The following ANTXR2 variants were observed in gnomAD, a reference collection of about 807,000 sequenced individuals.
ANTXR2 encodes the protein anthrax toxin receptor 2.
Under a neutral mutation model 73.7 loss-of-function variants are expected in ANTXR2, and 44 were observed. The observed-to-expected ratio is 0.60, with a 90% confidence interval of 0.47 to 0.77. The LOEUF (loss-of-function observed/expected upper bound fraction) is 0.77. ANTXR2 is among the 30% of genes least tolerant of loss of function. ANTXR2 has a pLI of 0.00. For missense variants in ANTXR2, 604 were observed against 592.5 expected (o/e 1.02, Z -0.20); for synonymous variants, 217 against 205.9 (o/e 1.05, Z -0.46).
In ANTXR2 at chr4:79,902,083, G is replaced by T. The variant is rs149966906; in HGVS notation, c.*5346C>A. ...CTTGCCAATTATTTCTAGTCAAACT[G>T]AAACCTACTTAAATGTACATTTTAA... On this transcript the variant is annotated 3_prime_UTR_variant, in exon 17 of 17. Coordinates refer to ENST00000403729, the MANE Select transcript of ANTXR2 (RefSeq NM_058172.6). The T allele has an allele frequency of 1.6e-4, 25 of 152,182 alleles. 1 individual carries two copies. The highest frequency in any genetic ancestry group is 5.5e-4 in the African/African-American group (23 of 41,540). The allele number at this position is 152,182 out of a possible 1,614,324, so 9.4% of individuals were successfully genotyped here.
intron 11 of ANTXR2, among the ~76,000 whole-genome samples, chr4:80,014,853 C>T (rs964797758): frequency 1.3e-5 from 2 of 152,128 alleles, no homozygotes; most frequent in African/African-American, 2.4e-5. Context: ...TTTACTTTTC[C>T]TTTAGGTAAG....
chr4:79,929,124 T>C (rs777130937), intron 16 of ANTXR2, among the ~76,000 whole-genome samples: 29 of 152,154 alleles, frequency 1.9e-4, no homozygotes, highest in Non-Finnish European at 3.2e-4. Flanking sequence ...CGGGTCTCCC[T>C]GTCTATTGCC....
chr4:79,945,846 C>G (rs1728496305), intron 16 of ANTXR2, among the ~76,000 whole-genome samples: 1 of 151,820 alleles, frequency 6.6e-6, no homozygotes, highest in African/African-American at 2.4e-5. Flanking sequence ...AAATATATGC[C>G]CCAGATATGC....
Position 80,072,741 on chromosome 4 carries a change from A to C in ANTXR2, c.-181T>G. On this transcript the variant is annotated 5_prime_UTR_variant, in exon 1 of 17. Coordinates refer to ENST00000403729, the MANE Select transcript of ANTXR2 (RefSeq NM_058172.6). ...CAGGGAGGGAGAGAGGGAGGTCCTG[A>C]GAGGACAAAGGGAGTCTCCGCCACC... 1.5e-6 allele frequency: 2 copies of C among 1,328,778 alleles called. No individual in the cohort carries two copies. Among genetic ancestry groups the C allele is most frequent in the South Asian group, 4.1e-5 (2 of 48,938 alleles). 82.3% of individuals were successfully genotyped at this position (1,328,778 alleles called of 1,614,324 possible).
At chr4:80,026,792 A>AT (rs1240363535) in intron 10 of ANTXR2, among the ~76,000 whole-genome samples, 5 of 152,042 alleles carry the variant, frequency 3.3e-5, no homozygotes, top group Non-Finnish European at 5.9e-5. Context: ...TCTGAATAGT[A>AT]TTTTTTTCAG....
At chr4:80,000,511 T>G (rs1730978889) in intron 12 of ANTXR2, among the ~76,000 whole-genome samples, 1 of 152,082 alleles carries the variant, frequency 6.6e-6, no homozygotes, top group African/African-American at 2.4e-5. Context: ...TTTACAATGA[T>G]AGGTAGAATA....
intron 16 of ANTXR2, among the ~76,000 whole-genome samples, chr4:79,934,546 A>AC (rs1728185631): frequency 2.0e-5 from 3 of 147,226 alleles, no homozygotes; most frequent in African/African-American, 8.0e-5. Context: ...CAACAACAAA[A>AC]AAAAAAAAAC....
At chr4:80,008,470 T>C (rs1241688810) in intron 12 of ANTXR2, 51 bp downstream of exon 12, 1 of 1,435,342 alleles carries the variant, frequency 7.0e-7, no homozygotes, top group Non-Finnish European at 9.7e-7. Context: ...AGACCTTACT[T>C]TACATCTTTC....
At chr4:80,027,247 T>C (rs1246335878) in intron 10 of ANTXR2, among the ~76,000 whole-genome samples, 1 of 152,030 alleles carries the variant, frequency 6.6e-6, no homozygotes, top group Non-Finnish European at 1.5e-5. Context: ...CAGATAGAAG[T>C]ATACTTTTGG....
intron 15 of ANTXR2, 127 bp downstream of exon 15, chr4:79,977,880 A>G: frequency 8.0e-7 from 1 of 1,253,578 alleles, no homozygotes; most frequent in South Asian, 1.5e-5. Context: ...TTCAGCTGTT[A>G]AGAGTGTACA....
intron 16 of ANTXR2, among the ~76,000 whole-genome samples, chr4:79,931,226 C>G (rs187558813): frequency 6.1e-4 from 93 of 152,200 alleles, no homozygotes; most frequent in Middle Eastern, 3.4e-3. Flanking sequence ...GTTGTACTTC[C>G]TTATTTAAAT....
chr4:80,055,461 C>G lies in ANTXR2; in HGVS notation c.385G>C (p.Glu129Gln), dbSNP rs369109280. The G allele has an allele frequency of 3.7e-6, 6 of 1,608,398 alleles. No homozygotes were observed. The highest frequency in any genetic ancestry group is 5.1e-6 in the Non-Finnish European group (6 of 1,176,544). ...YIHEGLKLAN[E>Q]QIQKAGGLKT... is the part of the protein sequence containing the mutation. ...AAGCCTCCTGCTTTCTGAATTTGTT[C>G]ATTCGCCTGAAAATGAAGAATAATT... Residue 129 changes from glutamate (E) to glutamine (Q), a missense_variant, in exon 5 of 17, where the codon GAA (glutamate) becomes CAA (glutamine). Physicochemically the swap from Glu to Gln is conservative, Grantham distance 29. Transcript: ENST00000403729.
intron 12 of ANTXR2, among the ~76,000 whole-genome samples, chr4:79,988,860 T>C (rs1730330495): frequency 6.6e-6 from 1 of 152,044 alleles, no homozygotes; most frequent in South Asian, 2.1e-4. Flanking sequence ...ACCATACAAT[T>C]ACATGGAAAG....
chr4:79,984,124 T>A (rs960489428), intron 13 of ANTXR2, among the ~76,000 whole-genome samples, 154 bp from the exon 14 acceptor site: 1 of 152,218 alleles, frequency 6.6e-6, no homozygotes, highest in Non-Finnish European at 1.5e-5. Flanking sequence ...CTTACATGCA[T>A]AAATTTCAAG....
At chr4:79,995,825 G>A (rs1383043170) in intron 12 of ANTXR2, among the ~76,000 whole-genome samples, 3 of 151,828 alleles carry the variant, frequency 2.0e-5, no homozygotes, top group Non-Finnish European at 2.9e-5. Context: ...TAATGAAAAC[G>A]AAGCCCTCAA....
intron 10 of ANTXR2, among the ~76,000 whole-genome samples, chr4:80,029,521 A>G (rs1049013729): frequency 1.3e-5 from 2 of 152,034 alleles, no homozygotes; most frequent in East Asian, 1.9e-4. Context: ...CATTTAGTAA[A>G]TCTACTATGA....
chr4:80,065,917 T>C (rs1485603158), intron 3 of ANTXR2, among the ~76,000 whole-genome samples: 3 of 152,246 alleles, frequency 2.0e-5, no homozygotes, highest in Non-Finnish European at 4.4e-5. Context: ...GTGATTGTAA[T>C]ATATAACATC....
intron 10 of ANTXR2, among the ~76,000 whole-genome samples, chr4:80,030,225 A>G (rs1213272191): frequency 6.6e-6 from 1 of 152,038 alleles, no homozygotes; most frequent in Non-Finnish European, 1.5e-5. Flanking sequence ...ATCAATAATG[A>G]CTCAAAAGAT....
intron 16 of ANTXR2, among the ~76,000 whole-genome samples, chr4:79,946,815 G>A (rs926796186): frequency 2.6e-5 from 4 of 152,124 alleles, no homozygotes; most frequent in Admixed American, 6.6e-5. Context: ...TATTTGTTTA[G>A]AATGGTTGCT....
Sources: allele counts gnomAD v4.1 joint callset (sites outside exome capture counted in the v4.1 genomes callset), GRCh38; gene constraint gnomAD v4.1.1; transcripts MANE v1.5; gene names NCBI Gene and HGNC (gene_info 2026-07-23, HGNC 2026-07-21).